PRIM2: variants seen among roughly 807,000 people sequenced by gnomAD.
PRIM2 encodes DNA primase subunit 2.
In PRIM2, 39 loss-of-function variants were observed where a neutral mutation model predicts 67.3. The observed-to-expected ratio is 0.58, with a 90% CI of 0.45 to 0.76. The LOEUF (loss-of-function observed/expected upper bound fraction) is 0.76, where lower values mean the gene tolerates loss of function less well. PRIM2 is among the 30% of genes least tolerant of loss of function. PRIM2 has a pLI of 0.00. For synonymous variants in PRIM2, 143 were observed against 198.7 expected (o/e 0.72, Z 2.36); for missense variants, 398 against 598.7 (o/e 0.66, Z 3.50).
intron 5 of PRIM2, among the ~76,000 whole-genome samples, chr6:57,378,487 G>T (rs1475175434): frequency 6.6e-6 from 1 of 152,022 alleles, no homozygotes; most frequent in African/African-American, 2.4e-5. Flanking sequence ...ATTCTTCCCT[G>T]TTGTTTTTGT....
chr6:57,402,425 G>T (rs1259295216), intron 7 of PRIM2, among the ~76,000 whole-genome samples: 5 of 152,170 alleles, frequency 3.3e-5, no homozygotes, highest in African/African-American at 1.2e-4. Flanking sequence ...CTTTGTAGTG[G>T]GGGGAGCTAA....
chr6:57,507,611 A>G (rs1243776453), intron 8 of PRIM2, among the ~76,000 whole-genome samples, 157 bp downstream of exon 8: 3 of 152,118 alleles, frequency 2.0e-5, no homozygotes, highest in African/African-American at 7.2e-5. Context: ...AATACCATGT[A>G]CTTGTTACCC....
chr6:57,396,899 A>C (rs1770533624), intron 7 of PRIM2, among the ~76,000 whole-genome samples: 1 of 152,148 alleles, frequency 6.6e-6, no homozygotes, highest in South Asian at 2.1e-4. Context: ...TGTCTGAAAA[A>C]GATTATATCT....
At chr6:57,403,463 C>G (rs1770782866) in intron 7 of PRIM2, among the ~76,000 whole-genome samples, 2 of 151,750 alleles carry the variant, frequency 1.3e-5, no homozygotes, top group African/African-American at 4.8e-5. Flanking sequence ...GGGGTTTCAC[C>G]ATGTTAGCCA....
intron 10 of PRIM2, among the ~76,000 whole-genome samples, chr6:57,553,229 T>C (rs1581986442): frequency 6.6e-6 from 1 of 152,166 alleles, no homozygotes; most frequent in African/African-American, 2.4e-5. Context: ...AATTTGAAGA[T>C]AAGGTGTGCT....
intron 7 of PRIM2, among the ~76,000 whole-genome samples, chr6:57,481,900 T>A (rs1581945091): frequency 6.6e-6 from 1 of 152,192 alleles, no homozygotes; most frequent in Admixed American, 6.5e-5. Flanking sequence ...GAAACAGACA[T>A]GATTCGGGAT....
intron 5 of PRIM2, among the ~76,000 whole-genome samples, chr6:57,349,899 CA>C (rs35137848): frequency 2.0e-5 from 3 of 151,772 alleles, no homozygotes; most frequent in Non-Finnish European, 4.4e-5. Context: ...TTTGTAAAAA[CA>C]AAAAAAATCT....
intron 7 of PRIM2, among the ~76,000 whole-genome samples, chr6:57,389,800 A>C (rs573765000): frequency 8.5e-5 from 13 of 152,260 alleles, no homozygotes; most frequent in Admixed American, 2.6e-4. Context: ...TTTCTTCCTT[A>C]AACTGTGATT....
intron 7 of PRIM2, among the ~76,000 whole-genome samples, chr6:57,399,417 C>T (rs949703215): frequency 1.4e-4 from 21 of 152,196 alleles, no homozygotes; most frequent in Non-Finnish European, 2.8e-4. Flanking sequence ...ACATGTGCCA[C>T]ATTTTCTTAA....
At chr6:57,338,245 C>A (rs1483589745) in intron 5 of PRIM2, among the ~76,000 whole-genome samples, 2 of 152,048 alleles carry the variant, frequency 1.3e-5, no homozygotes, top group Admixed American at 1.3e-4. Flanking sequence ...GAGTCCAGGA[C>A]CAGATGGATT....
intron 7 of PRIM2, among the ~76,000 whole-genome samples, chr6:57,434,468 CCA>C (rs896325659): frequency 1.3e-5 from 2 of 151,952 alleles, no homozygotes; most frequent in African/African-American, 4.8e-5. Context: ...CTGAAAAGCC[CCA>C]GTTTTTTTTC....
At chr6:57,558,553 T>C (rs1775563441) in intron 10 of PRIM2, among the ~76,000 whole-genome samples, 1 of 152,042 alleles carries the variant, frequency 6.6e-6, no homozygotes, top group Admixed American at 6.5e-5. Context: ...CACTGAACCT[T>C]TGTAAAAGCT....
chr6:57,600,333 A>C (rs1359901151), intron 10 of PRIM2, among the ~76,000 whole-genome samples: 3 of 98,296 alleles, frequency 3.1e-5, no homozygotes, highest in African/African-American at 1.4e-4. Context: ...ATCCAGAGGA[A>C]GGGATTATTA....
chr6:57,397,942 C>T (rs1254535597), intron 7 of PRIM2, among the ~76,000 whole-genome samples: 2 of 134,026 alleles, frequency 1.5e-5, no homozygotes, highest in Non-Finnish European at 3.1e-5. Context: ...TGTTGCCAGG[C>T]TGTGAGATCT....
chr6:57,498,927 A>G (rs1274612861), intron 7 of PRIM2, among the ~76,000 whole-genome samples: 1 of 152,188 alleles, frequency 6.6e-6, no homozygotes, highest in African/African-American at 2.4e-5. Context: ...CATCATTTGA[A>G]AAAGAAAATC....
rs1196951086 is a variant in PRIM2, at chr6:57,590,390, GA to G, written c.1021-10701del. Among the ~76,000 whole-genome samples, 211 of 152,320 alleles carry G rather than the reference GA, an allele frequency of 1.4e-3. 5 individuals carry two copies. The East Asian group carries it at 0.019, about 14-fold the overall frequency. On this transcript the variant is annotated intron_variant, in intron 10 of 13. Coordinates refer to ENST00000615550, the MANE Select transcript of PRIM2 (RefSeq NM_000947.5). ...TTATTCAGGAAAAGCTGCAATAGAA[GA>G]AGGGATTCCAGTATAGAACTGGGCT...
chr6:57,348,150 T>C (rs4109), intron 5 of PRIM2, among the ~76,000 whole-genome samples: 90,370 of 151,450 alleles, frequency 0.6, 27,051 homozygotes, highest in South Asian at 0.7. Flanking sequence ...ATTATATTCA[T>C]CCAACTTAGT....
At chr6:57,296,183 G>A in the PRIM2 span, among the ~76,000 whole-genome samples, 1 of 152,124 alleles carries the variant, frequency 6.6e-6, no homozygotes, top group Admixed American at 6.5e-5. Flanking sequence ...TTCACTACAT[G>A]CTGTATGGCT....
intron 10 of PRIM2, among the ~76,000 whole-genome samples, chr6:57,569,429 TA>T (rs1775819858): frequency 6.6e-6 from 1 of 152,332 alleles, no homozygotes; most frequent in East Asian, 1.9e-4. Flanking sequence ...AATTTTCTAA[TA>T]ATTTTTTAAG....
Sources: allele counts gnomAD v4.1 joint callset (sites outside exome capture counted in the v4.1 genomes callset), GRCh38; gene constraint gnomAD v4.1.1; transcripts MANE v1.5; gene names NCBI Gene and HGNC (gene_info 2026-07-23, HGNC 2026-07-21).